The following DGKB variants were observed in gnomAD, a reference collection of about 807,000 sequenced individuals.
DGKB encodes the protein diacylglycerol kinase beta.
DGKB carries 67 observed loss-of-function variants against 114.3 expected under a neutral mutation model. The observed-to-expected ratio is 0.59, with a 90% CI of 0.48 to 0.72. The LOEUF (loss-of-function observed/expected upper bound fraction) is 0.72. DGKB is among the 30% of genes least tolerant of loss of function. The pLI is 0.00. For synonymous variants in DGKB, 398 were observed against 323.1 expected, an observed-to-expected ratio of 1.23 and a Z score of -2.49; for missense variants, 907 against 975.2, an observed-to-expected ratio of 0.93 and a Z score of 0.93.
At chr7:14,908,820 C>T (rs1392140415) in intron 1 of DGKB, among the ~76,000 whole-genome samples, 1 of 152,058 alleles carries the variant, frequency 6.6e-6, no homozygotes, top group African/African-American at 2.4e-5. Flanking sequence ...TACATATAGA[C>T]TGGTTTTGGG....
At chr7:14,877,169 A>G (rs1326620490) in intron 1 of DGKB, among the ~76,000 whole-genome samples, 2 of 152,218 alleles carry the variant, frequency 1.3e-5, no homozygotes, top group African/African-American at 4.8e-5. Flanking sequence ...TTAATCTCAG[A>G]GAATTCAGAA....
At chr7:14,543,225 C>T (rs1793752368) in intron 20 of DGKB, among the ~76,000 whole-genome samples, 1 of 152,032 alleles carries the variant, frequency 6.6e-6, no homozygotes, top group South Asian at 2.1e-4. Flanking sequence ...GGGAGGATCG[C>T]TTGAGGCCAG....
At chr7:14,439,865 C>CA (rs756256822) in intron 21 of DGKB, among the ~76,000 whole-genome samples, 51,015 of 103,802 alleles carry the variant, frequency 0.49, 11,673 homozygotes, top group East Asian at 0.55. Context: ...ACTCTGTTTC[C>CA]AAAAAAAAAA....
intron 2 of DGKB, among the ~76,000 whole-genome samples, chr7:14,795,630 T>A (rs750374988): frequency 2.0e-5 from 3 of 152,016 alleles, no homozygotes; most frequent in Non-Finnish European, 2.9e-5. Context: ...TAAAGGCAAT[T>A]GGAGTAATTG....
chr7:14,365,725 T>G (rs781127776), intron 21 of DGKB, among the ~76,000 whole-genome samples: 1 of 152,094 alleles, frequency 6.6e-6, no homozygotes, highest in Non-Finnish European at 1.5e-5. Context: ...TTTCCATGAA[T>G]GCAGAAATCT....
chr7:14,936,536 C>T (rs1352940423), intron 1 of DGKB, among the ~76,000 whole-genome samples: 7 of 152,046 alleles, frequency 4.6e-5, no homozygotes, highest in Admixed American at 6.6e-5. Flanking sequence ...GTCTCAAATG[C>T]CTTGCTTTGA....
chr7:14,628,498 A>G (rs1809064155), intron 14 of DGKB, among the ~76,000 whole-genome samples: 1 of 152,212 alleles, frequency 6.6e-6, no homozygotes, highest in Non-Finnish European at 1.5e-5. Context: ...TGATATATAC[A>G]AGAAAGGCAA....
chr7:14,781,416 A>G (rs1042825445), intron 2 of DGKB, among the ~76,000 whole-genome samples: 5 of 152,168 alleles, frequency 3.3e-5, no homozygotes, highest in African/African-American at 4.8e-5. Flanking sequence ...AGTATATTAG[A>G]AGAGAAGAAA....
intron 12 of DGKB, among the ~76,000 whole-genome samples, chr7:14,678,864 G>C (rs1470784548): frequency 6.6e-6 from 1 of 151,804 alleles, no homozygotes; most frequent in Non-Finnish European, 1.5e-5. Context: ...ATTTTAAGTA[G>C]GAAATGACAA....
chr7:14,554,989 C>T (rs1263069011), intron 20 of DGKB, among the ~76,000 whole-genome samples: 1 of 151,910 alleles, frequency 6.6e-6, no homozygotes, highest in Non-Finnish European at 1.5e-5. Flanking sequence ...CCATAATTAC[C>T]TTTTAGATTC....
chr7:14,703,431 A>G (rs1358880680), intron 6 of DGKB, among the ~76,000 whole-genome samples: 1 of 152,234 alleles, frequency 6.6e-6, no homozygotes, highest in African/African-American at 2.4e-5. Context: ...ACAGTGTCTG[A>G]AACTTCTTCC....
At position 14,331,590 on chromosome 7, in the gene DGKB, G is replaced by A. The variant is rs566656163; in HGVS notation, c.2122+6925C>T. 9.5e-4 allele frequency among the ~76,000 whole-genome samples: 145 copies of A among 152,022 alleles called. 1 individual carries two copies. Among genetic ancestry groups the A allele is most frequent in the African/African-American group, 3.4e-3 (141 of 41,476 alleles). On this transcript the variant is annotated intron_variant, in intron 23 of 25. Coordinates refer to ENST00000402815, the MANE Select transcript of DGKB (RefSeq NM_001350709.2). ...GAATAACTTTTACAAGGTATACAAA[G>A]TGTACAATTATCTGGGAAATATAAT...
At chr7:14,692,581 G>A (rs1375599988) in intron 9 of DGKB, among the ~76,000 whole-genome samples, 1 of 151,292 alleles carries the variant, frequency 6.6e-6, no homozygotes, top group African/African-American at 2.4e-5. Context: ...GCTAAATATG[G>A]TATTATAAAA....
intron 20 of DGKB, among the ~76,000 whole-genome samples, 172 bp from the exon 21 acceptor site, chr7:14,478,397 A>T (rs940448090): frequency 6.6e-6 from 1 of 152,044 alleles, no homozygotes; most frequent in Non-Finnish European, 1.5e-5. Context: ...TGCAGAAGTG[A>T]TTTATGTAAT....
rs1465609157 is a variant in DGKB, at chr7:14,146,482, G to T, written c.*2649C>A. 6.6e-6 allele frequency: 1 copy of T among 152,100 alleles called. No homozygotes were observed. Among genetic ancestry groups the T allele is most frequent in the Non-Finnish European group, 1.5e-5 (1 of 68,014 alleles). The allele number at this position is 152,100 out of a possible 1,614,324, so 9.4% of individuals were successfully genotyped here. A position where few individuals can be genotyped will look rare whatever the true frequency, so the allele number is the denominator to read the frequency against. On this transcript the variant is annotated 3_prime_UTR_variant, in exon 26 of 26. Coordinates refer to ENST00000402815, the MANE Select transcript of DGKB (RefSeq NM_001350709.2). ...TGAAAATTTATCTGCACACATAGAA[G>T]AGAAGTTTCCATCTTGTAAAGCTAA...
At chr7:14,362,073 G>A (rs566039964) in intron 21 of DGKB, among the ~76,000 whole-genome samples, 151 of 152,012 alleles carry the variant, frequency 9.9e-4, no homozygotes, top group Middle Eastern at 6.8e-3. Flanking sequence ...ATTTAGATAC[G>A]CTTTCTATAC....
intron 25 of DGKB, among the ~76,000 whole-genome samples, chr7:14,163,293 G>A (rs532552475): frequency 1.3e-5 from 2 of 151,850 alleles, no homozygotes; most frequent in South Asian, 2.1e-4. Context: ...TCTTAACATT[G>A]TTGCTTGAGG....
chr7:14,645,681 T>C (rs189333693), intron 13 of DGKB, among the ~76,000 whole-genome samples: 4 of 151,070 alleles, frequency 2.6e-5, no homozygotes, highest in East Asian at 2.0e-4. Context: ...CATGAGATGA[T>C]ATATTCAAAA....
chr7:14,971,404 GC>G (rs1356824565), intron 1 of DGKB, among the ~76,000 whole-genome samples: 1 of 152,132 alleles, frequency 6.6e-6, no homozygotes, highest in African/African-American at 2.4e-5. Flanking sequence ...TTAACAAAAA[GC>G]TTGTGGTGTA....
Sources: allele counts gnomAD v4.1 joint callset (sites outside exome capture counted in the v4.1 genomes callset), GRCh38; gene constraint gnomAD v4.1.1; transcripts MANE v1.5; gene names NCBI Gene and HGNC (gene_info 2026-07-23, HGNC 2026-07-21).